Variants in CACNA1S observed in about 807,000 individuals in gnomAD.
The protein encoded by CACNA1S is calcium voltage-gated channel subunit alpha1 S, also known as voltage-dependent L-type calcium channel subunit alpha-1S.
Under a neutral mutation model 207.4 loss-of-function variants are expected in CACNA1S, and 126 were observed. The ratio of observed to expected loss-of-function variants is 0.61; its 90% CI spans 0.53 to 0.70. CACNA1S has a LOEUF of 0.70. Ranked by LOEUF, CACNA1S falls within the 30% of genes least tolerant of loss-of-function variation. The pLI, the probability that CACNA1S is intolerant of heterozygous loss-of-function variation, is 0.00. For missense variants in CACNA1S, 2,349 were observed against 2,422.8 expected (o/e 0.97, Z 0.64); for synonymous variants, 960 against 932.7 (o/e 1.03, Z -0.53).
At chr1:201,040,765 G>T in intron 41 of CACNA1S, 52 bp from the exon 42 acceptor site, 3 of 1,471,170 alleles carry the variant, frequency 2.0e-6, no homozygotes, top group Non-Finnish European at 1.9e-6. Context: ...CCTGCCAGGA[G>T]CCCTGAGTCA....
chr1:201,091,477 G>A (rs1038105466), intron 5 of CACNA1S, among the ~76,000 whole-genome samples, 163 bp downstream of exon 5: 1 of 152,168 alleles, frequency 6.6e-6, no homozygotes, highest in Admixed American at 6.5e-5. Context: ...CAGTAGAGCT[G>A]CCCTTCCTCC....
In CACNA1S at chr1:201,076,937, G is replaced by T. The variant is rs1468961569; in HGVS notation, c.1810C>A (p.Leu604Ile). ...RSNFDNFPQA[L>I]ISVFQVLTGE... ...GAGCCTACCTGGAAGACGCTGATGA[G>T]GGCTTGGGGAAAGTTGTCAAAGTTG... Residue 604 changes from leucine to isoleucine, a missense_variant, in exon 12 of 44, where the codon CTC (leucine) becomes ATC (isoleucine). Physicochemically the swap from Leu to Ile is conservative, Grantham distance 5 (BLOSUM62 2). Coordinates refer to ENST00000362061, the MANE Select transcript of CACNA1S (RefSeq NM_000069.3). 1 of 1,614,260 alleles carries T rather than the reference G, an allele frequency of 6.2e-7. No individual in the cohort carries two copies. The highest frequency in any genetic ancestry group is 1.7e-5 in the Admixed American group (1 of 60,036).
intron 22 of CACNA1S, among the ~76,000 whole-genome samples, chr1:201,063,182 TA>T (rs1023446135): frequency 7.2e-5 from 11 of 152,212 alleles, no homozygotes; most frequent in African/African-American, 1.9e-4. Flanking sequence ...GAATTTTTTT[TA>T]AATTATACTT....
intron 2 of CACNA1S, among the ~76,000 whole-genome samples, chr1:201,095,390 G>A (rs1662387919): frequency 6.6e-6 from 1 of 152,078 alleles, no homozygotes; most frequent in Admixed American, 6.6e-5. Flanking sequence ...TTCCTTAACT[G>A]CGGAGCCAGA....
At chr1:201,059,006 C>T (rs1180419279) in intron 27 of CACNA1S, among the ~76,000 whole-genome samples, 183 bp downstream of exon 27, 1 of 152,208 alleles carries the variant, frequency 6.6e-6, no homozygotes, top group East Asian at 1.9e-4. Flanking sequence ...TCAATTCTGG[C>T]TGCATGAAGA....
chr1:201,108,820 C>T (rs1662993690), intron 2 of CACNA1S, among the ~76,000 whole-genome samples: 1 of 152,138 alleles, frequency 6.6e-6, no homozygotes, highest in Non-Finnish European at 1.5e-5. Context: ...AGTTTCAGTG[C>T]AGGAAAAAAG....
At chr1:201,086,172 C>A (rs565185570) in intron 7 of CACNA1S, among the ~76,000 whole-genome samples, 3 of 152,184 alleles carry the variant, frequency 2.0e-5, no homozygotes, top group African/African-American at 4.8e-5. Context: ...TGAGGAGCTG[C>A]GCCTGGCAGC....
chr1:201,048,535 C>T, intron 36 of CACNA1S, 47 bp downstream of exon 36: 1 of 1,442,380 alleles, frequency 6.9e-7, no homozygotes, highest in Non-Finnish European at 9.8e-7. Flanking sequence ...GTGCCAGAAA[C>T]AGCCTCTGGG....
At chr1:201,110,701 G>C (rs1043190005) in intron 1 of CACNA1S, among the ~76,000 whole-genome samples, 1 of 152,180 alleles carries the variant, frequency 6.6e-6, no homozygotes, top group Non-Finnish European at 1.5e-5. Flanking sequence ...GTTGATGCAG[G>C]GTAAGGTTGA....
At chr1:201,046,187 T>TTATTTATTTATTTATC (rs1553248475) in intron 38 of CACNA1S, among the ~76,000 whole-genome samples, 7 of 151,854 alleles carry the variant, frequency 4.6e-5, no homozygotes, top group East Asian at 3.9e-4. Flanking sequence ...ATTTATTTAT[T>TTATTTATTTATTTATC]TATCTATCTT....
chr1:201,065,532 A>G (rs1661208340), intron 22 of CACNA1S, among the ~76,000 whole-genome samples: 1 of 152,244 alleles, frequency 6.6e-6, no homozygotes, highest in South Asian at 2.1e-4. Flanking sequence ...ATTTCAACTC[A>G]GTAGACACAT....
At chr1:201,083,375 C>T in intron 9 of CACNA1S, 53 bp from the exon 10 acceptor site, 1 of 1,588,104 alleles carries the variant, frequency 6.3e-7, no homozygotes, top group South Asian at 1.1e-5. Context: ...CTACGCCCCA[C>T]CTGTCCAAGC....
intron 14 of CACNA1S, among the ~76,000 whole-genome samples, chr1:201,074,058 G>A (rs545694172): frequency 6.6e-6 from 1 of 152,252 alleles, no homozygotes; most frequent in East Asian, 1.9e-4. Flanking sequence ...ATTCCTGTAG[G>A]CATGGGCATT....
chr1:201,057,325 G>C (rs995377467), intron 28 of CACNA1S, among the ~76,000 whole-genome samples: 1 of 152,170 alleles, frequency 6.6e-6, no homozygotes, highest in Admixed American at 6.5e-5. Context: ...TCTGGCCCCC[G>C]TTCTGGCATG....
chr1:201,093,347 C>A (rs1004920979), intron 3 of CACNA1S, among the ~76,000 whole-genome samples: 2 of 152,202 alleles, frequency 1.3e-5, no homozygotes, highest in African/African-American at 4.8e-5. Context: ...ACTGTGTGAA[C>A]CCAAACCTGC....
At position 201,053,343 on chromosome 1, in the gene CACNA1S, G is replaced by C. The variant is rs564376577; in HGVS notation, c.3796-69C>G. 102 of 1,611,240 alleles carry C rather than the reference G, an allele frequency of 6.3e-5. No homozygotes were observed. Among genetic ancestry groups the C allele is most frequent in the Non-Finnish European group, 8.4e-5 (99 of 1,177,656 alleles). Reference sequence around the variant, plus strand: ...CTGTGTGTCTGCAGCCCTGCCCTCTGTTAGCTCCCCAGGGCTCTGCCTTGC... The same window carrying C: ...CTGTGTGTCTGCAGCCCTGCCCTCTCTTAGCTCCCCAGGGCTCTGCCTTGC... On this transcript the variant is annotated intron_variant, in intron 30 of 43. Transcript: ENST00000362061. This position sits in a 1 kb window ranked among gnomAD's most constrained non-coding sequence, Gnocchi z 5.1.
chr1:201,078,668 C>G (rs889814895), intron 10 of CACNA1S, among the ~76,000 whole-genome samples: 1 of 152,086 alleles, frequency 6.6e-6, no homozygotes, highest in African/African-American at 2.4e-5. Flanking sequence ...TATACACCTC[C>G]CTCCTGGTAG....
rs1004486114 is a variant in CACNA1S at position 201,110,810 on chromosome 1, A to T, written c.153-541T>A. On this transcript the variant is annotated intron_variant, in intron 1 of 43. Transcript: ENST00000362061. The stretch of plus-strand genomic sequence containing the variant: ...TGGTGTGCACGTGCTCACACCCATC[A>T]CACCTCACCCCTCCCAGACACACCC... Among the ~76,000 whole-genome samples, 5 of 151,762 alleles carry T rather than the reference A, an allele frequency of 3.3e-5. 1 individual carries two copies. In the South Asian group the frequency reaches 1.0e-3, roughly 32 times the overall value.
At chr1:201,041,670 C>G in intron 40 of CACNA1S, 81 bp from the exon 41 acceptor site, 2 of 1,080,594 alleles carry the variant, frequency 1.9e-6, no homozygotes, top group Non-Finnish European at 2.8e-6. Flanking sequence ...CCCAAACATC[C>G]TTTTCCCTCA....
Sources: gnomAD v4.1 joint callset for allele counts (sites outside exome capture counted in the v4.1 genomes callset) on GRCh38, gnomAD v4.1.1 for gene constraint, Gnocchi (gnomAD v3.1) non-coding constraint, MANE v1.5 for transcripts, NCBI Gene and HGNC (gene_info 2026-07-23, HGNC 2026-07-21) for gene names.